The following SUGP2 variants were observed in gnomAD, a reference collection of about 807,000 sequenced individuals.
SUGP2 encodes the protein SURP and G-patch domain-containing protein 2.
A neutral mutation model predicts 90.5 loss-of-function variants in SUGP2; 24 were observed. That is an observed-to-expected ratio of 0.27 (90% CI 0.19 to 0.37). The LOEUF (loss-of-function observed/expected upper bound fraction) is 0.37, where lower values mean the gene tolerates loss of function less well. SUGP2 is among the 10% of genes least tolerant of loss of function. The pLI is 1.00. For synonymous variants in SUGP2, 473 were observed against 513.4 expected (o/e 0.92, Z 1.06); for missense variants, 1,233 against 1,363.3 (o/e 0.90, Z 1.51).
At chr19:19,027,925 C>T (rs1212246307) in intron 2 of SUGP2, among the ~76,000 whole-genome samples, 4 of 152,284 alleles carry the variant, frequency 2.6e-5, no homozygotes, top group African/African-American at 4.8e-5. Flanking sequence ...CGTGAGCCAC[C>T]GTGTCACGCT....
At chr19:19,016,944 T>G (rs2058521631) in intron 4 of SUGP2, among the ~76,000 whole-genome samples, 1 of 152,210 alleles carries the variant, frequency 6.6e-6, no homozygotes, top group Non-Finnish European at 1.5e-5. Context: ...CTCAAGAATT[T>G]TGTAAAAATA....
At position 18,994,484 on chromosome 19, in the gene SUGP2, C is replaced by A; in HGVS notation, c.3131G>T (p.Gly1044Val). Residue 1044 changes from glycine (G) to valine (V), a missense_variant and splice_region_variant, in exon 10 of 11, where the codon GGA becomes GTA. This residue lies in a region of SUGP2 where 53 missense variants were observed against 55.3 expected (regional missense o/e 0.96). Transcript: ENST00000452918. Reference protein sequence around the residue: ...GKGIREPVSVGTPSEGEGLGA... With the variant: ...GKGIREPVSVVTPSEGEGLGA... The stretch of plus-strand genomic sequence containing the variant: ...CAACCCTTCCCCTTCCGAGGGGGTT[C>A]CCCTAGGGAGTGAAAAAGAGAGTCA... 1.2e-6 allele frequency: 2 copies of A among 1,613,834 alleles called. No homozygotes were observed. The highest frequency in any genetic ancestry group is 1.7e-6 in the Non-Finnish European group (2 of 1,179,876).
At chr19:19,002,780 TG>T (rs2057895958) in intron 7 of SUGP2, among the ~76,000 whole-genome samples, 2 of 151,944 alleles carry the variant, frequency 1.3e-5, no homozygotes, top group African/African-American at 4.8e-5. Flanking sequence ...CCCAGAGTGC[TG>T]GGATTACAGG....
intron 9 of SUGP2, 29 bp from the exon 10 acceptor site, chr19:18,994,515 G>A (rs1488188664): frequency 1.2e-6 from 2 of 1,611,858 alleles, no homozygotes; most frequent in East Asian, 2.2e-5. Context: ...AGTCAGTTGT[G>A]CACCTGAGCC....
chr19:19,023,950 GA>G (rs199684887), intron 3 of SUGP2, among the ~76,000 whole-genome samples: 2 of 150,004 alleles, frequency 1.3e-5, no homozygotes, highest in East Asian at 1.9e-4. Context: ...AGGTTAAAAA[GA>G]AAAAAAAAGG....
intron 6 of SUGP2, among the ~76,000 whole-genome samples, chr19:19,007,708 A>AGC (rs896824140): frequency 6.7e-6 from 1 of 148,522 alleles, no homozygotes; most frequent in Non-Finnish European, 1.5e-5. Flanking sequence ...CACCCGCCTC[A>AGC]GCCTCCCAAA....
At chr19:19,027,105 C>A (rs77214621) in intron 2 of SUGP2, among the ~76,000 whole-genome samples, 1,585 of 152,194 alleles carry the variant, frequency 0.01, 31 homozygotes, top group African/African-American at 0.036. Flanking sequence ...CATAGCGAGA[C>A]CCTATCTCTG....
chr19:19,006,706 C>T (rs537576423), intron 6 of SUGP2, among the ~76,000 whole-genome samples: 4 of 152,190 alleles, frequency 2.6e-5, no homozygotes, highest in African/African-American at 4.8e-5. Flanking sequence ...GGTCCGACCC[C>T]GAGGTCTACA....
rs1167499759 is a variant in SUGP2, at chr19:18,991,288, G to A, written c.*2453C>T. The A allele has an allele frequency of 2.6e-5, 4 of 152,430 alleles. No individual in the cohort carries two copies. The highest frequency in any genetic ancestry group is 4.4e-5 in the Non-Finnish European group (3 of 68,204). 9.4% of individuals were successfully genotyped at this position (152,430 alleles called of 1,614,324 possible). On this transcript the variant is annotated 3_prime_UTR_variant, in exon 11 of 11. Transcript: ENST00000452918. Reference sequence around the variant, plus strand: ...AAGAGGGAGGGGCTGGGGGCACGGAGGGCCAGTGGCATCTCCTCTATCCCG... The same window carrying A: ...AAGAGGGAGGGGCTGGGGGCACGGAAGGCCAGTGGCATCTCCTCTATCCCG...
chr19:19,009,790 GA>G (rs1249235445), intron 5 of SUGP2, 64 bp downstream of exon 5: 1 of 1,522,388 alleles, frequency 6.6e-7, no homozygotes, highest in Non-Finnish European at 8.8e-7. Flanking sequence ...CAATTCTAAA[GA>G]GACCCTGGAG....
At position 19,019,159 on chromosome 19, in the gene SUGP2, G is replaced by C; in HGVS notation, c.1800C>G (p.Gly600=). Residue 600 remains glycine (G), a synonymous_variant, in exon 4 of 11, where the codon GGC becomes GGG. Coordinates refer to ENST00000452918, the MANE Select transcript of SUGP2 (RefSeq NM_001017392.5). ...GAGTTCTCTCTTTGGGAGACAGGCT[G>C]CCTTCGATGACACGTTTCACAAGCT... is the stretch of plus-strand genomic sequence containing the variant. ...IDQLVKRVIE[G]SLSPKERTLL... is the part of the protein sequence containing the mutation. 1 of 1,614,128 alleles carries C rather than the reference G, an allele frequency of 6.2e-7. No individual in the cohort carries two copies. Among genetic ancestry groups the C allele is most frequent in the Non-Finnish European group, 8.5e-7 (1 of 1,179,968 alleles).
intron 4 of SUGP2, among the ~76,000 whole-genome samples, chr19:19,011,817 C>T (rs777592805): frequency 6.6e-6 from 1 of 152,032 alleles, no homozygotes; most frequent in Non-Finnish European, 1.5e-5. Context: ...GGCAACATGG[C>T]GAAACCCCAT....
chr19:19,022,930 C>T (rs962171435), intron 3 of SUGP2, among the ~76,000 whole-genome samples: 2 of 152,158 alleles, frequency 1.3e-5, no homozygotes, highest in Non-Finnish European at 2.9e-5. Flanking sequence ...GGGAAAAGTG[C>T]TTTCTCCCTA....
intron 3 of SUGP2, among the ~76,000 whole-genome samples, chr19:19,021,357 T>G (rs1183024263): frequency 1.3e-5 from 2 of 152,120 alleles, no homozygotes; most frequent in African/African-American, 4.8e-5. Context: ...GATGAGTCAA[T>G]CCTTCAACTG....
upstream of SUGP2, chr19:19,033,549 G>A (rs2059284961): frequency 7.8e-7 from 1 of 1,287,198 alleles, no homozygotes; most frequent in Non-Finnish European, 9.8e-7. Context: ...CCGCAGCGCC[G>A]CGCCGCGCAG....
At chr19:19,018,686 C>CAA (rs55923416) in intron 4 of SUGP2, among the ~76,000 whole-genome samples, 53,055 of 85,994 alleles carry the variant, frequency 0.62, 16,486 homozygotes, top group East Asian at 0.81. Flanking sequence ...GGCTCCGTCT[C>CAA]AAAAAAAAAA....
In SUGP2 at chr19:18,993,199, C is replaced by A. The variant is rs1013052800; in HGVS notation, c.*542G>T. ...TGATGAGATGAGACACCATGAATAA[C>A]ACATTCATCAACTCAAGTATGGCAA... On this transcript the variant is annotated 3_prime_UTR_variant, in exon 11 of 11. Transcript: ENST00000452918. 11 of 152,162 alleles carry A rather than the reference C, an allele frequency of 7.2e-5. No homozygotes were observed. Among genetic ancestry groups the A allele is most frequent in the African/African-American group, 2.7e-4 (11 of 41,434 alleles). 9.4% of individuals were successfully genotyped at this position (152,162 alleles called of 1,614,324 possible).
chr19:19,028,801 C>T (rs1004494738), intron 2 of SUGP2, among the ~76,000 whole-genome samples: 8 of 152,032 alleles, frequency 5.3e-5, no homozygotes, highest in African/African-American at 1.9e-4. Flanking sequence ...TGGGTTCAAG[C>T]TATTCTTCTG....
In SUGP2 at chr19:19,026,173, T is replaced by C; in HGVS notation, c.175A>G (p.Ser59Gly). ...SRAEMYDDVH[S>G]DGRYSLSGSV... is the part of the protein sequence containing the mutation. ...CCACTGAGGGAGTATCTGCCATCGC[T>C]GTGGACGTCATCATACATCTCTGCT... Residue 59 changes from serine to glycine, a missense_variant, in exon 3 of 11, where the codon AGC (serine) becomes GGC (glycine). By Grantham distance (56) the Ser-to-Gly change is moderately conservative. Coordinates refer to ENST00000452918, the MANE Select transcript of SUGP2 (RefSeq NM_001017392.5). The C allele has an allele frequency of 6.2e-7, 1 of 1,613,020 alleles. No individual in the cohort carries two copies. The highest frequency in any genetic ancestry group is 8.5e-7 in the Non-Finnish European group (1 of 1,179,758).
Sources: allele counts gnomAD v4.1 joint callset (sites outside exome capture counted in the v4.1 genomes callset), GRCh38; gene constraint gnomAD v4.1.1; regional missense constraint gnomAD v4.1.1; transcripts MANE v1.5; gene names NCBI Gene and HGNC (gene_info 2026-07-23, HGNC 2026-07-21).